Variants in PDE10A observed in about 807,000 individuals in gnomAD.
PDE10A encodes phosphodiesterase 10A.
A neutral mutation model predicts 97.7 loss-of-function variants in PDE10A; 39 were observed. The observed-to-expected ratio is 0.40, with a 90% CI of 0.31 to 0.52. The LOEUF is 0.52. Ranked by LOEUF, PDE10A falls within the 20% of genes least tolerant of loss-of-function variation. PDE10A has a pLI of 0.56. For missense variants in PDE10A, 731 were observed against 1,047.8 expected, an observed-to-expected ratio of 0.70 and a Z score of 4.17; for synonymous variants, 371 against 376.8, an observed-to-expected ratio of 0.98 and a Z score of 0.18.
chr6:165,718,112 T>C (rs1253225958), intron 1 of PDE10A: 1 of 152,220 alleles, frequency 6.6e-6, no homozygotes, highest in Non-Finnish European at 1.5e-5. Flanking sequence ...AAATCCACCT[T>C]ATTGTTTTCT....
rs59041111 is a variant in PDE10A at position 165,701,647 on chromosome 6, A to ATGTGTGTG, written c.-614-158087_-614-158080dup. Reference sequence around the variant, plus strand: ...GTGGGGGATGGTCTACTCTTCATGTATGTGTGTGTGTGTGTGCATGTATGT... The same window carrying ATGTGTGTG: ...GTGGGGGATGGTCTACTCTTCATGTATGTGTGTGTGTGTGTGTGTGTGTGCATGTATGT... On this transcript the variant is annotated intron_variant, in intron 1 of 19. Coordinates refer to the PDE10A transcript ENST00000366882. Among the ~76,000 whole-genome samples the ATGTGTGTG allele has an allele frequency of 2.7e-3, 398 of 149,686 alleles. 1 individual carries two copies. The highest frequency in any genetic ancestry group is 9.0e-3 in the African/African-American group (366 of 40,680).
intron 17 of PDE10A, among the ~76,000 whole-genome samples, chr6:165,380,584 C>T (rs950218281): frequency 2.0e-5 from 3 of 152,174 alleles, no homozygotes; most frequent in African/African-American, 7.2e-5. Flanking sequence ...AGTTCTACAG[C>T]TTACAAAGCA....
At chr6:165,549,298 C>A (rs994895919) in intron 1 of PDE10A, among the ~76,000 whole-genome samples, 1 of 152,070 alleles carries the variant, frequency 6.6e-6, no homozygotes, top group Non-Finnish European at 1.5e-5. Flanking sequence ...ATAACCAAGA[C>A]AAATATATAA....
chr6:165,368,116 C>G (rs1783940932), intron 18 of PDE10A, among the ~76,000 whole-genome samples: 1 of 152,168 alleles, frequency 6.6e-6, no homozygotes, highest in South Asian at 2.1e-4. Flanking sequence ...CTGCCTCAGC[C>G]TCCCGAGTGT....
chr6:165,393,364 T>C (rs1327125468), intron 15 of PDE10A, among the ~76,000 whole-genome samples: 2 of 151,624 alleles, frequency 1.3e-5, no homozygotes, highest in African/African-American at 2.4e-5. Flanking sequence ...AATAATATGA[T>C]GTATATTTTA....
At chr6:165,830,863 A>G (rs1779890882) in intron 1 of PDE10A, among the ~76,000 whole-genome samples, 2 of 152,178 alleles carry the variant, frequency 1.3e-5, no homozygotes, top group East Asian at 1.9e-4. Flanking sequence ...CCAAAAGCTG[A>G]TTTTAAAGGT....
intron 1 of PDE10A, among the ~76,000 whole-genome samples, chr6:165,902,615 G>C (rs1382512167): frequency 1.6e-5 from 2 of 128,692 alleles, no homozygotes; most frequent in Non-Finnish European, 3.4e-5. Flanking sequence ...TGGAATTTGT[G>C]AGCCCATCTA....
At chr6:165,860,071 GC>G (rs1225569681) in intron 1 of PDE10A, among the ~76,000 whole-genome samples, 1 of 152,130 alleles carries the variant, frequency 6.6e-6, no homozygotes, top group Non-Finnish European at 1.5e-5. Context: ...GGGATAAAAG[GC>G]TACAAATTGG....
At chr6:165,845,858 C>T (rs551038078) in intron 1 of PDE10A, among the ~76,000 whole-genome samples, 6 of 152,030 alleles carry the variant, frequency 3.9e-5, no homozygotes, top group African/African-American at 1.2e-4. Flanking sequence ...TAAATCTGAC[C>T]GATGCCTAGG....
At chr6:165,731,540 T>C (rs1383392066) in intron 1 of PDE10A, among the ~76,000 whole-genome samples, 1 of 150,800 alleles carries the variant, frequency 6.6e-6, no homozygotes, top group African/African-American at 2.4e-5. Flanking sequence ...AAGAGAAGAG[T>C]GAGGAAGGGG....
chr6:165,694,135 C>T (rs1371202311), intron 1 of PDE10A, among the ~76,000 whole-genome samples: 2 of 152,200 alleles, frequency 1.3e-5, no homozygotes, highest in African/African-American at 4.8e-5. Flanking sequence ...TGGTTCTATA[C>T]CAAGCTTCCT....
At chr6:165,444,912 T>G (rs1162904576) in intron 5 of PDE10A, among the ~76,000 whole-genome samples, 1 of 152,172 alleles carries the variant, frequency 6.6e-6, no homozygotes, top group Non-Finnish European at 1.5e-5. Context: ...TTTTTAACCC[T>G]TAGTATTTGT....
At chr6:165,623,434 A>G (rs1176045246) in intron 1 of PDE10A, among the ~76,000 whole-genome samples, 1 of 152,168 alleles carries the variant, frequency 6.6e-6, no homozygotes, top group African/African-American at 2.4e-5. Context: ...GTTTCTTTAT[A>G]GCAATGCAAG....
At chr6:165,344,128 C>T (rs542384433) in intron 18 of PDE10A, among the ~76,000 whole-genome samples, 1 of 152,120 alleles carries the variant, frequency 6.6e-6, no homozygotes, top group Non-Finnish European at 1.5e-5. Flanking sequence ...CCCTTTTCAG[C>T]TGCTTGCATT....
chr6:165,625,297 A>G (rs9459461), intron 1 of PDE10A, among the ~76,000 whole-genome samples: 1 of 152,164 alleles, frequency 6.6e-6, no homozygotes. Flanking sequence ...AGGCTGTCTC[A>G]CTGGTCCAGG....
At chr6:165,969,374 G>A (rs902084651) in intron 1 of PDE10A, among the ~76,000 whole-genome samples, 28 of 152,246 alleles carry the variant, frequency 1.8e-4, no homozygotes, top group African/African-American at 5.8e-4. Context: ...TGGGGAGGGC[G>A]TGGCAGCGGT....
chr6:165,665,345 G>T (rs1790471552), upstream of PDE10A, among the ~76,000 whole-genome samples: 1 of 152,184 alleles, frequency 6.6e-6, no homozygotes, highest in African/African-American at 2.4e-5. Flanking sequence ...TGGCTGCTGC[G>T]CCTGGAGAAC....
chr6:165,727,186 G>A (rs1303851694), intron 1 of PDE10A, among the ~76,000 whole-genome samples: 1 of 152,188 alleles, frequency 6.6e-6, no homozygotes, highest in Non-Finnish European at 1.5e-5. Context: ...CAGCAGCAGC[G>A]ACCACACGTG....
intron 5 of PDE10A, among the ~76,000 whole-genome samples, chr6:165,441,266 G>A (rs1790439326): frequency 6.6e-6 from 1 of 152,122 alleles, no homozygotes; most frequent in Admixed American, 6.5e-5. Context: ...GAGCCTTTGA[G>A]CTCCTCTCTG....
Sources: gnomAD v4.1 joint callset for allele counts (sites outside exome capture counted in the v4.1 genomes callset) on GRCh38, gnomAD v4.1.1 for gene constraint, MANE v1.5 for transcripts, NCBI Gene and HGNC (gene_info 2026-07-23, HGNC 2026-07-21) for gene names.